The following SLCO1A2 variants were observed in gnomAD, a reference collection of about 807,000 sequenced individuals.
SLCO1A2 encodes the protein solute carrier organic anion transporter family member 1A2.
SLCO1A2 carries 67 observed loss-of-function variants against 69.0 expected under a neutral mutation model. That is an observed-to-expected ratio of 0.97 (90% CI 0.80 to 1.19). The LOEUF (loss-of-function observed/expected upper bound fraction) is 1.19. SLCO1A2 is among the 50% of genes most tolerant of loss of function. The pLI, the probability that SLCO1A2 is intolerant of heterozygous loss-of-function variation, is 0.00. For synonymous variants in SLCO1A2, 260 were observed against 265.9 expected (o/e 0.98, Z 0.22); for missense variants, 787 against 793.7 (o/e 0.99, Z 0.10).
At chr12:21,418,495 G>A (rs538981727), upstream of SLCO1A2, among the ~76,000 whole-genome samples, 48 of 152,244 alleles carry the variant, frequency 3.2e-4, no homozygotes, top group African/African-American at 1.2e-3. Context: ...AGTTACATGT[G>A]GCTAGGGAGG....
intron 6 of SLCO1A2, among the ~76,000 whole-genome samples, chr12:21,301,990 T>C (rs1167205874): frequency 1.3e-5 from 2 of 152,196 alleles, no homozygotes; most frequent in Admixed American, 6.5e-5. Context: ...CTATTATCTC[T>C]GCCTTCTCCA....
Position 21,392,204 on chromosome 12 carries a change from T to C in SLCO1A2, c.-190+2702A>G, listed in dbSNP as rs1941193106. ...CACATACAATTTCTCCCTGCAACTT[T>C]AGATATTCAACATACACTTTTAGCC... On this transcript the variant is annotated intron_variant, in intron 1 of 15. Coordinates refer to the SLCO1A2 transcript ENST00000307378. Among the ~76,000 whole-genome samples the C allele has an allele frequency of 2.6e-5, 4 of 152,300 alleles. No homozygotes were observed. The South Asian group carries it at 6.2e-4, about 24-fold the overall frequency.
At chr12:21,362,398 A>G (rs1448606553) in intron 2 of SLCO1A2, among the ~76,000 whole-genome samples, 1 of 152,204 alleles carries the variant, frequency 6.6e-6, no homozygotes, top group African/African-American at 2.4e-5. Flanking sequence ...TCCTTAAGGA[A>G]GCACTAAACA....
intron 10 of SLCO1A2, 36 bp downstream of exon 10, chr12:21,295,561 T>C: frequency 7.7e-7 from 1 of 1,305,524 alleles, no homozygotes; most frequent in Non-Finnish European, 1.1e-6. Context: ...TAACCATTTG[T>C]TGAAAGATTC....
chr12:21,330,731 A>G (rs1952564097), intron 2 of SLCO1A2, among the ~76,000 whole-genome samples: 1 of 152,196 alleles, frequency 6.6e-6, no homozygotes, highest in African/African-American at 2.4e-5. Flanking sequence ...TCTTGTTCTA[A>G]CCAGTTCTTT....
intron 2 of SLCO1A2, among the ~76,000 whole-genome samples, chr12:21,347,260 C>T (rs2136999567): frequency 6.6e-6 from 1 of 152,238 alleles, no homozygotes; most frequent in African/African-American, 2.4e-5. Flanking sequence ...ATAAGCCTTT[C>T]TAAACACAAA....
chr12:21,343,240 A>G (rs1029508576), intron 2 of SLCO1A2, among the ~76,000 whole-genome samples: 4 of 152,130 alleles, frequency 2.6e-5, no homozygotes, highest in Admixed American at 1.3e-4. Flanking sequence ...TTTCTCTGAC[A>G]TCTCCTTAGA....
intron 2 of SLCO1A2, among the ~76,000 whole-genome samples, chr12:21,326,081 G>A (rs7296472): frequency 0.3 from 45,473 of 151,984 alleles, 6,928 homozygotes; most frequent in East Asian, 0.35. Context: ...ATGCTGTTCT[G>A]TGATAGTGAA....
chr12:21,401,021 G>A (rs534397854), intron 1 of SLCO1A2, among the ~76,000 whole-genome samples: 1 of 148,034 alleles, frequency 6.8e-6, no homozygotes, highest in South Asian at 2.2e-4. Flanking sequence ...AAAACTTAAA[G>A]TATAATAATA....
In SLCO1A2 at chr12:21,292,253, G is replaced by A. The variant is rs982377503; in HGVS notation, c.1521C>T (p.Ser507=). The part of the protein sequence containing the change: ...LGLCDKGPDC[S]LMLQYFLILS... The stretch of plus-strand genomic sequence containing the variant: ...AGATTAGGAAGTACTGGAGCATCAA[G>A]GAACAGTCAGGTCCTTTGTCGCACA... The change falls in exon 12 of 15, where the codon TCC becomes TCT. Residue 507 remains serine (S), a synonymous_variant. Coordinates refer to ENST00000683939, the MANE Select transcript of SLCO1A2 (RefSeq NM_001386879.1). The A allele has an allele frequency of 6.2e-7, 1 of 1,613,118 alleles. No individual in the cohort carries two copies. The highest frequency in any genetic ancestry group is 1.7e-5 in the Admixed American group (1 of 60,022).
chr12:21,329,021 A>G (rs2136928642), intron 2 of SLCO1A2, among the ~76,000 whole-genome samples: 1 of 152,262 alleles, frequency 6.6e-6, no homozygotes, highest in South Asian at 2.1e-4. Flanking sequence ...TACAGTAGCA[A>G]TTATCCAGTC....
At chr12:21,384,317 A>G (rs1940758247) in intron 1 of SLCO1A2, among the ~76,000 whole-genome samples, 1 of 152,242 alleles carries the variant, frequency 6.6e-6, no homozygotes, top group Non-Finnish European at 1.5e-5. Context: ...CCCAAATCCT[A>G]AATGAGATTT....
At chr12:21,345,814 A>C (rs1953234865) in intron 2 of SLCO1A2, among the ~76,000 whole-genome samples, 1 of 152,070 alleles carries the variant, frequency 6.6e-6, no homozygotes, top group Non-Finnish European at 1.5e-5. Flanking sequence ...AGTATAAGAA[A>C]TATTATTTTT....
rs146740625 is a variant in SLCO1A2 at position 21,318,939 on chromosome 12, A to G, written c.61-16T>C. On this transcript the variant is annotated splice_polypyrimidine_tract_variant and intron_variant, in intron 2 of 14. Coordinates refer to ENST00000683939, the MANE Select transcript of SLCO1A2 (RefSeq NM_001386879.1). Reference sequence around the variant, plus strand: ...ACAGAAACATCTAGGAAAAAAATATAAGAAAACGTAGAAAAAATTATTTTT... The same window carrying G: ...ACAGAAACATCTAGGAAAAAAATATGAGAAAACGTAGAAAAAATTATTTTT... 1.3e-4 allele frequency: 203 copies of G among 1,564,556 alleles called. No homozygotes were observed. The African/African-American group carries it at 2.6e-3, about 20-fold the overall frequency.
intron 2 of SLCO1A2, among the ~76,000 whole-genome samples, chr12:21,350,081 C>CA (rs945920687): frequency 3.3e-5 from 5 of 152,184 alleles, no homozygotes; most frequent in Non-Finnish European, 4.4e-5. Context: ...ATCAAATTGT[C>CA]AAAGTGTTCT....
At chr12:21,307,116 T>G in intron 4 of SLCO1A2, 128 bp from the exon 5 acceptor site, 4 of 564,342 alleles carry the variant, frequency 7.1e-6, no homozygotes, top group Non-Finnish European at 1.2e-5. Flanking sequence ...TGGCTTTTCA[T>G]CCTTGGCATC....
chr12:21,416,647 G>A (rs1941994112), intron 1 of SLCO1A2, among the ~76,000 whole-genome samples: 1 of 151,564 alleles, frequency 6.6e-6, no homozygotes. Context: ...TCATGACATC[G>A]GACAGGCTAA....
At chr12:21,302,853 G>A (rs1413564148) in intron 6 of SLCO1A2, among the ~76,000 whole-genome samples, 7 of 152,034 alleles carry the variant, frequency 4.6e-5, no homozygotes, top group African/African-American at 1.4e-4. Context: ...CACCACACTC[G>A]GCTAATTTTT....
chr12:21,331,177 T>C (rs940355233), intron 2 of SLCO1A2, among the ~76,000 whole-genome samples: 1 of 152,074 alleles, frequency 6.6e-6, no homozygotes, highest in African/African-American at 2.4e-5. Flanking sequence ...CCATGACTCT[T>C]GAAACTCCAC....
Sources: gnomAD v4.1 joint callset for allele counts (sites outside exome capture counted in the v4.1 genomes callset) on GRCh38, gnomAD v4.1.1 for gene constraint, MANE v1.5 for transcripts, NCBI Gene and HGNC (gene_info 2026-07-23, HGNC 2026-07-21) for gene names.